BRIP1: variants seen among roughly 807,000 people sequenced by gnomAD.
The protein encoded by BRIP1 is Fanconi anemia group J protein.
In BRIP1, 88 loss-of-function variants were observed where a neutral mutation model predicts 119.7. That is an observed-to-expected ratio of 0.74 (90% CI 0.62 to 0.88). The LOEUF is 0.88. Ranked by LOEUF, BRIP1 falls within the 40% of genes least tolerant of loss-of-function variation. The pLI, the probability that BRIP1 is intolerant of heterozygous loss-of-function variation, is 0.00. For synonymous variants in BRIP1, 443 were observed against 496.5 expected (o/e 0.89, Z 1.43); for missense variants, 1,259 against 1,455.4 (o/e 0.87, Z 2.20).
chr17:61,701,431 T>C lies in BRIP1; in HGVS notation c.2493-7919A>G, dbSNP rs1315111771. Reference sequence around the variant, plus strand: ...TTTCCTTAAATGTCTAGAACCATCATGTCTCCCATTCTTTGCCAAGAGTCT... The same window carrying C: ...TTTCCTTAAATGTCTAGAACCATCACGTCTCCCATTCTTTGCCAAGAGTCT... On this transcript the variant is annotated intron_variant, in intron 17 of 19. Transcript: ENST00000259008. This position sits in a 1 kb window ranked among gnomAD's most constrained non-coding sequence, Gnocchi z 5.1. 6.6e-6 allele frequency among the ~76,000 whole-genome samples: 1 copy of C among 152,220 alleles called. No individual in the cohort carries two copies. The highest frequency in any genetic ancestry group is 2.4e-5 in the African/African-American group (1 of 41,460).
intron 13 of BRIP1, among the ~76,000 whole-genome samples, chr17:61,777,448 C>T (rs2077551508): frequency 6.6e-6 from 1 of 152,076 alleles, no homozygotes; most frequent in African/African-American, 2.4e-5. Context: ...AACTTCAGAT[C>T]CCAGAGGTTG....
At position 61,725,143 on chromosome 17, in the gene BRIP1, G is replaced by GTA. The variant is rs1491134161; in HGVS notation, c.2380-9081_2380-9080insTA. Among the ~76,000 whole-genome samples, 83 of 151,762 alleles carry GTA rather than the reference G, an allele frequency of 5.5e-4. No homozygotes were observed. The highest frequency in any genetic ancestry group is 1.9e-3 in the African/African-American group (79 of 41,218). On this transcript the variant is annotated intron_variant, in intron 16 of 19. Transcript: ENST00000259008. The surrounding 1 kb of genome is among the most constrained non-coding windows in gnomAD (Gnocchi z 5.3). ...AAATAGTGTGTGTGTGTGTGTGTGTGTGTATATACACTTTTTTTAAATGGG... is the reference window on the plus strand; with the variant it reads ...AAATAGTGTGTGTGTGTGTGTGTGTGTATGTATATACACTTTTTTTAAATGGG...
rs1056965536 is a variant in BRIP1, at chr17:61,762,236, T to TA, written c.2097+14164dup. Reference sequence around the variant, plus strand: ...AAATGGACCCTTATCTCACAATATTTAAAAAAAAACTCAAAATGAATTAAA... The same window carrying TA: ...AAATGGACCCTTATCTCACAATATTTAAAAAAAAAACTCAAAATGAATTAAA... On this transcript the variant is annotated intron_variant, in intron 14 of 19. Coordinates refer to ENST00000259008, the MANE Select transcript of BRIP1 (RefSeq NM_032043.3). The surrounding 1 kb of genome is among the most constrained non-coding windows in gnomAD (Gnocchi z 4.3). 2.8e-4 allele frequency among the ~76,000 whole-genome samples: 42 copies of TA among 151,122 alleles called. No homozygotes were observed. The highest frequency in any genetic ancestry group is 5.1e-4 in the African/African-American group (21 of 41,268).
Position 61,815,889 on chromosome 17 carries a change from T to C in BRIP1, c.628-7132A>G, listed in dbSNP as rs749464388. ...GGGTTTTTTAATCTTTATCAACCAT[T>C]TGCTGTTGTCCAAGCCATCTAAACA... is the stretch of plus-strand genomic sequence containing the variant. On this transcript the variant is annotated intron_variant, in intron 6 of 19. Transcript: ENST00000259008. This position sits in a 1 kb window ranked among gnomAD's most constrained non-coding sequence, Gnocchi z 4.1. Among the ~76,000 whole-genome samples, 14 of 152,226 alleles carry C rather than the reference T, an allele frequency of 9.2e-5. No homozygotes were observed. Among genetic ancestry groups the C allele is most frequent in the Non-Finnish European group, 2.1e-4 (14 of 68,022 alleles).
Position 61,845,983 on chromosome 17 carries a change from C to T in BRIP1, c.627+1118G>A, listed in dbSNP as rs1011288932. Among the ~76,000 whole-genome samples, 17 of 151,868 alleles carry T rather than the reference C, an allele frequency of 1.1e-4. No homozygotes were observed. Among genetic ancestry groups the T allele is most frequent in the Non-Finnish European group, 2.2e-4 (15 of 67,992 alleles). ...GGATCACGAGGTCAGAAGATCGAGA[C>T]CATCCTGGCTAACGTGGTGAAACCC... On this transcript the variant is annotated intron_variant, in intron 6 of 19. Transcript: ENST00000259008. This position sits in a 1 kb window ranked among gnomAD's most constrained non-coding sequence, Gnocchi z 4.2.
chr17:61,725,145 G>GTGTGTA lies in BRIP1; in HGVS notation c.2380-9083_2380-9082insTACACA, dbSNP rs1197946231. Among the ~76,000 whole-genome samples, 1 of 148,842 alleles carries GTGTGTA rather than the reference G, an allele frequency of 6.7e-6. No homozygotes were observed. The highest frequency in any genetic ancestry group is 2.1e-4 in the South Asian group (1 of 4,730). On this transcript the variant is annotated intron_variant, in intron 16 of 19. Coordinates refer to ENST00000259008, the MANE Select transcript of BRIP1 (RefSeq NM_032043.3). This position sits in a 1 kb window ranked among gnomAD's most constrained non-coding sequence, Gnocchi z 5.3. ...ATAGTGTGTGTGTGTGTGTGTGTGT[G>GTGTGTA]TATATACACTTTTTTTAAATGGGGA...
intron 16 of BRIP1, among the ~76,000 whole-genome samples, chr17:61,732,024 C>G (rs937832096): frequency 1.4e-5 from 2 of 142,438 alleles, no homozygotes; most frequent in Non-Finnish European, 3.0e-5. Flanking sequence ...CTCTGTCACC[C>G]AGGCTGGAGT....
intron 7 of BRIP1, 86 bp from the exon 8 acceptor site, chr17:61,801,560 T>C (rs2077995173): frequency 7.9e-7 from 1 of 1,268,822 alleles, no homozygotes; most frequent in Non-Finnish European, 1.1e-6. Flanking sequence ...TTGAGGAACA[T>C]CATTAAAGCC....
intron 10 of BRIP1, among the ~76,000 whole-genome samples, chr17:61,787,718 C>T (rs543925772): frequency 6.6e-6 from 1 of 152,134 alleles, no homozygotes; most frequent in Admixed American, 6.5e-5. Context: ...GATTTCGGCT[C>T]ACTGCAAGCT....
intron 7 of BRIP1, 146 bp from the exon 8 acceptor site, chr17:61,801,620 G>C (rs771798492): frequency 3.2e-4 from 240 of 748,904 alleles, no homozygotes; most frequent in Non-Finnish European, 4.8e-4. Context: ...CTAATTTTTT[G>C]TCTTTTTTGA....
chr17:61,701,970 G>C lies in BRIP1; in HGVS notation c.2493-8458C>G, dbSNP rs1476024752. 6.6e-6 allele frequency among the ~76,000 whole-genome samples: 1 copy of C among 152,190 alleles called. No individual in the cohort carries two copies. The highest frequency in any genetic ancestry group is 1.5e-5 in the Non-Finnish European group (1 of 68,034). ...TTTTTAAGGCTATTGTGAACTTGGA[G>C]AGAGGTGAGAACAGAGCAAGTTAAA... On this transcript the variant is annotated intron_variant, in intron 17 of 19. Coordinates refer to ENST00000259008, the MANE Select transcript of BRIP1 (RefSeq NM_032043.3). This position sits in a 1 kb window ranked among gnomAD's most constrained non-coding sequence, Gnocchi z 5.1.
At chr17:61,850,816 G>C (rs1023006437) in intron 4 of BRIP1, among the ~76,000 whole-genome samples, 6 of 151,040 alleles carry the variant, frequency 4.0e-5, no homozygotes, top group African/African-American at 7.3e-5. Context: ...AACAGAACAA[G>C]ACTCTATGTC....
chr17:61,853,148 A>T lies in BRIP1; in HGVS notation c.380-3892T>A, dbSNP rs2078845968. The stretch of plus-strand genomic sequence containing the variant: ...AAGGAAATAATACACAGAAACAAGA[A>T]GTACTACTATATGCAACAGCATGAA... On this transcript the variant is annotated intron_variant, in intron 4 of 19. Coordinates refer to ENST00000259008, the MANE Select transcript of BRIP1 (RefSeq NM_032043.3). The surrounding 1 kb of genome is among the most constrained non-coding windows in gnomAD (Gnocchi z 4.3). Among the ~76,000 whole-genome samples the T allele has an allele frequency of 6.6e-6, 1 of 152,192 alleles. No homozygotes were observed. The highest frequency in any genetic ancestry group is 2.1e-4 in the South Asian group (1 of 4,834).
rs587780874 is a variant in BRIP1 at position 61,686,173 on chromosome 17, A to G, written c.2576-8T>C. 1.2e-6 allele frequency: 2 copies of G among 1,613,920 alleles called. No individual in the cohort carries two copies. Among genetic ancestry groups the G allele is most frequent in the Admixed American group, 1.7e-5 (1 of 60,032 alleles). On this transcript the variant is annotated splice_polypyrimidine_tract_variant and splice_region_variant and intron_variant, in intron 18 of 19. Coordinates refer to ENST00000259008, the MANE Select transcript of BRIP1 (RefSeq NM_032043.3). This position sits in a 1 kb window ranked among gnomAD's most constrained non-coding sequence, Gnocchi z 5.4. Reference sequence around the variant, plus strand: ...GTACCCATTTAGAAAGTCCTAAAGAAAAAGGTAAACCCAGGGAAAATTTGG... The same window carrying G: ...GTACCCATTTAGAAAGTCCTAAAGAGAAAGGTAAACCCAGGGAAAATTTGG...
At chr17:61,737,047 A>T (rs1360108368) in intron 16 of BRIP1, among the ~76,000 whole-genome samples, 3 of 152,194 alleles carry the variant, frequency 2.0e-5, no homozygotes, top group Non-Finnish European at 4.4e-5. Context: ...TGATAGTTAT[A>T]ATCCCCAAGG....
rs1281223808 is a variant in BRIP1 at position 61,752,642 on chromosome 17, T to G, written c.2098-8051A>C. On this transcript the variant is annotated intron_variant, in intron 14 of 19. Coordinates refer to ENST00000259008, the MANE Select transcript of BRIP1 (RefSeq NM_032043.3). This position sits in a 1 kb window ranked among gnomAD's most constrained non-coding sequence, Gnocchi z 6.2. ...CTTTATTAAATTGCCTACAAGTACG[T>G]GAATCCTTAAATGCTCTCTGAATAG... 2.6e-5 allele frequency among the ~76,000 whole-genome samples: 4 copies of G among 152,232 alleles called. No homozygotes were observed. Among genetic ancestry groups the G allele is most frequent in the African/African-American group, 9.6e-5 (4 of 41,466 alleles).
chr17:61,700,078 T>G lies in BRIP1; in HGVS notation c.2493-6566A>C, dbSNP rs1405440312. ...GTTTCACTGTAATAAATCCTAGCCA[T>G]GTATACAGTTATATCCTGAGGCTAT... is the stretch of plus-strand genomic sequence containing the variant. On this transcript the variant is annotated intron_variant, in intron 17 of 19. Coordinates refer to ENST00000259008, the MANE Select transcript of BRIP1 (RefSeq NM_032043.3). This position sits in a 1 kb window ranked among gnomAD's most constrained non-coding sequence, Gnocchi z 4.1. 5.3e-5 allele frequency among the ~76,000 whole-genome samples: 8 copies of G among 152,174 alleles called. No homozygotes were observed. Among genetic ancestry groups the G allele is most frequent in the Non-Finnish European group, 1.5e-5 (1 of 68,038 alleles).
At chr17:61,849,633 T>C (rs1215913905) in intron 4 of BRIP1, among the ~76,000 whole-genome samples, 2 of 152,220 alleles carry the variant, frequency 1.3e-5, no homozygotes, top group African/African-American at 4.8e-5. Context: ...CCACGTTCTT[T>C]AGAGCAAAAC....
In BRIP1 at chr17:61,683,219, T is replaced by G. The variant is rs4988358; in HGVS notation, c.*77A>C. 3.5e-6 allele frequency: 5 copies of G among 1,444,560 alleles called. No individual in the cohort carries two copies. Among genetic ancestry groups the G allele is most frequent in the Non-Finnish European group, 4.8e-6 (5 of 1,049,338 alleles). The allele number at this position is 1,444,560 out of a possible 1,614,324, so 89.5% of individuals were successfully genotyped here. The stretch of plus-strand genomic sequence containing the variant: ...TTAAAAAGTATGCCACTTATTCAAT[T>G]TACAAATTATTACTTACAACAGAGT... On this transcript the variant is annotated 3_prime_UTR_variant, in exon 20 of 20. Coordinates refer to ENST00000259008, the MANE Select transcript of BRIP1 (RefSeq NM_032043.3). The surrounding 1 kb of genome is among the most constrained non-coding windows in gnomAD (Gnocchi z 4.7).
Sources: allele counts gnomAD v4.1 joint callset (sites outside exome capture counted in the v4.1 genomes callset), GRCh38; gene constraint gnomAD v4.1.1; non-coding constraint Gnocchi (gnomAD v3.1); transcripts MANE v1.5; gene names NCBI Gene and HGNC (gene_info 2026-07-23, HGNC 2026-07-21).